SEL1L: variants seen among roughly 807,000 people sequenced by gnomAD.
SEL1L encodes the protein protein sel-1 homolog 1.
In SEL1L, 52 loss-of-function variants were observed where a neutral mutation model predicts 109.8. That is an observed-to-expected ratio of 0.47 (90% CI 0.38 to 0.60). The LOEUF (loss-of-function observed/expected upper bound fraction) is 0.60. Ranked by LOEUF, SEL1L falls within the 20% of genes least tolerant of loss-of-function variation. SEL1L has a pLI of 0.00. For missense variants in SEL1L, 749 were observed against 962.2 expected (o/e 0.78, Z 2.93); for synonymous variants, 373 against 339.6 (o/e 1.10, Z -1.08).
At position 81,487,953 on chromosome 14, in the gene SEL1L, A is replaced by C; in HGVS notation, c.1396-11T>G. The C allele has an allele frequency of 6.2e-7, 1 of 1,605,312 alleles. No homozygotes were observed. Among genetic ancestry groups the C allele is most frequent in the Non-Finnish European group, 8.5e-7 (1 of 1,172,766 alleles). Reference sequence around the variant, plus strand: ...GGCTAGATCATAATTCTGTAGAAAAAGATGTCATATGATGAGAAAGCTCAA... The same window carrying C: ...GGCTAGATCATAATTCTGTAGAAAACGATGTCATATGATGAGAAAGCTCAA... On this transcript the variant is annotated splice_polypyrimidine_tract_variant and intron_variant, in intron 14 of 20. Coordinates refer to ENST00000336735, the MANE Select transcript of SEL1L (RefSeq NM_005065.6).
At chr14:81,502,487 G>A (rs772338684) in intron 6 of SEL1L, among the ~76,000 whole-genome samples, 4 of 152,184 alleles carry the variant, frequency 2.6e-5, no homozygotes, top group Non-Finnish European at 4.4e-5. Flanking sequence ...TAATTTGGAA[G>A]AGTACAAATG....
chr14:81,499,274 A>C lies in SEL1L; in HGVS notation c.891+185T>G, dbSNP rs900491012. The C allele has an allele frequency of 3.2e-6, 4 of 1,263,882 alleles. No homozygotes were observed. In the African/African-American group the frequency reaches 6.2e-5, roughly 20 times the overall value. 78.3% of individuals were successfully genotyped at this position (1,263,882 alleles called of 1,614,324 possible). A position where few individuals can be genotyped will look rare whatever the true frequency, so the allele number is the denominator to read the frequency against. On this transcript the variant is annotated intron_variant, in intron 8 of 20. Coordinates refer to ENST00000336735, the MANE Select transcript of SEL1L (RefSeq NM_005065.6). ...TTAAAGAAAAATTGTGGACTCCACC[A>C]ACTTTCATTTACATGTAGATTCCAT...
intron 19 of SEL1L, among the ~76,000 whole-genome samples, chr14:81,480,772 C>CA (rs1903328752): frequency 6.6e-6 from 1 of 152,148 alleles, no homozygotes; most frequent in Admixed American, 6.5e-5. Flanking sequence ...TTAAGGGACT[C>CA]GATTCTGCAG....
chr14:81,533,659 G>A lies in SEL1L; in HGVS notation c.70+16C>T. The A allele has an allele frequency of 6.2e-7, 1 of 1,610,984 alleles. No individual in the cohort carries two copies. The highest frequency in any genetic ancestry group is 1.7e-5 in the Admixed American group (1 of 59,832). On this transcript the variant is annotated intron_variant, in intron 1 of 20. Coordinates refer to ENST00000336735, the MANE Select transcript of SEL1L (RefSeq NM_005065.6). ...CGGAGGCTCTGGGCCTTCAGCCCGA[G>A]GGGGCGGATACTGACCCGAGGACGC... is the stretch of plus-strand genomic sequence containing the variant.
At position 81,486,497 on chromosome 14, in the gene SEL1L, G is replaced by A. The variant is rs765867464; in HGVS notation, c.1633-43C>T. The A allele has an allele frequency of 2.5e-6, 4 of 1,594,488 alleles. No homozygotes were observed. In the South Asian group the frequency reaches 4.5e-5, roughly 18 times the overall value. ...AAAAAATATCAGTAGAAGAAAATAA[G>A]AAAGATATACCAGAAAATCACTTAT... On this transcript the variant is annotated intron_variant, in intron 16 of 20. Transcript: ENST00000336735.
rs1566973431 is a variant in SEL1L, at chr14:81,492,560, GAATT to G, written c.1186-16_1186-13del. The G allele has an allele frequency of 3.2e-6, 5 of 1,557,734 alleles. No homozygotes were observed. The South Asian group carries it at 4.7e-5, about 15-fold the overall frequency. ...TAGTCAAATGCTCTCTATGAGAAAA[GAATT>G]TATTAAAATAATTAGTTTTTAACAG... On this transcript the variant is annotated splice_polypyrimidine_tract_variant and intron_variant, in intron 11 of 20. Transcript: ENST00000336735.
intron 3 of SEL1L, among the ~76,000 whole-genome samples, chr14:81,518,467 C>A (rs370383093): frequency 6.6e-6 from 1 of 151,456 alleles, no homozygotes; most frequent in East Asian, 2.0e-4. Context: ...CGAGACCAGC[C>A]TGGCCAACCT....
intron 3 of SEL1L, among the ~76,000 whole-genome samples, chr14:81,517,911 T>G (rs1884765195): frequency 6.6e-6 from 1 of 151,784 alleles, no homozygotes; most frequent in Admixed American, 6.6e-5. Context: ...GGTTACCATG[T>G]GTACCCTCTG....
chr14:81,522,342 C>T (rs1303142880), intron 3 of SEL1L, among the ~76,000 whole-genome samples: 1 of 152,218 alleles, frequency 6.6e-6, no homozygotes, highest in Middle Eastern at 3.2e-3. Context: ...CCCACAGCAA[C>T]TTCCAGTCCT....
rs754682709 is a variant in SEL1L at position 81,485,771 on chromosome 14, A to C, written c.1799-25T>G. On this transcript the variant is annotated intron_variant, in intron 17 of 20. Transcript: ENST00000336735. ...CCTACAGGAAAAGAAATGAAATACA[A>C]ATCAGGCATTTAAGAAAAGGCACTA... 3.1e-6 allele frequency: 5 copies of C among 1,603,252 alleles called. No homozygotes were observed. In the East Asian group the frequency reaches 8.9e-5, roughly 29 times the overall value.
At chr14:81,528,164 G>A (rs1885185104) in intron 1 of SEL1L, among the ~76,000 whole-genome samples, 1 of 152,130 alleles carries the variant, frequency 6.6e-6, no homozygotes, top group Non-Finnish European at 1.5e-5. Flanking sequence ...TCTTGAGTTA[G>A]AGTAGCCCAT....
At chr14:81,512,362 T>C (rs1566621004) in intron 3 of SEL1L, among the ~76,000 whole-genome samples, 1 of 152,224 alleles carries the variant, frequency 6.6e-6, no homozygotes, top group Non-Finnish European at 1.5e-5. Flanking sequence ...GGACATTTTT[T>C]TGCTTAACAT....
rs1471485903 is a variant in SEL1L at position 81,476,078 on chromosome 14, A to G, written c.*894T>C. On this transcript the variant is annotated 3_prime_UTR_variant, in exon 21 of 21. Transcript: ENST00000336735. ...TGGGAACAAATGCTTCAACTTTAGG[A>G]AAAGTATGTCTGTGTCTGTGATCGT... 6.6e-6 allele frequency: 1 copy of G among 152,202 alleles called. No individual in the cohort carries two copies. The highest frequency in any genetic ancestry group is 1.5e-5 in the Non-Finnish European group (1 of 68,038). The allele number at this position is 152,202 out of a possible 1,614,324, so 9.4% of individuals were successfully genotyped here. A position where few individuals can be genotyped will look rare whatever the true frequency, so the allele number is the denominator to read the frequency against.
chr14:81,516,597 C>T (rs1258256125), intron 3 of SEL1L, among the ~76,000 whole-genome samples: 1 of 152,202 alleles, frequency 6.6e-6, no homozygotes, highest in Non-Finnish European at 1.5e-5. Flanking sequence ...ACCATTCTAA[C>T]TTATAAAAGT....
At chr14:81,526,645 C>T in intron 3 of SEL1L, 88 bp downstream of exon 3, 1 of 937,302 alleles carries the variant, frequency 1.1e-6, no homozygotes, top group Non-Finnish European at 1.7e-6. Flanking sequence ...TCAGTGAAGC[C>T]AGTCTTCTTC....
chr14:81,511,243 G>A (rs10150824), intron 3 of SEL1L, among the ~76,000 whole-genome samples: 3,821 of 152,282 alleles, frequency 0.025, 153 homozygotes, highest in African/African-American at 0.087. Flanking sequence ...TGAACAAAAC[G>A]TTAAGATCAG....
rs139571661 is a variant in SEL1L, at chr14:81,498,511, C to G, written c.892-17G>C. 6.3e-7 allele frequency: 1 copy of G among 1,593,638 alleles called. No individual in the cohort carries two copies. Among genetic ancestry groups the G allele is most frequent in the Non-Finnish European group, 8.6e-7 (1 of 1,163,400 alleles). On this transcript the variant is annotated splice_polypyrimidine_tract_variant and intron_variant, in intron 8 of 20. Transcript: ENST00000336735. The stretch of plus-strand genomic sequence containing the variant: ...TCTGTAACCCTGTAAAACAACTTCA[C>G]GTGAGGAGGCAGCAGTTTCATGTAC...
chr14:81,504,107 G>A (rs755404957), intron 5 of SEL1L, 94 bp downstream of exon 5: 22 of 660,344 alleles, frequency 3.3e-5, no homozygotes, highest in Non-Finnish European at 5.2e-5. Context: ...AATCTTCTGC[G>A]TCTCTGGCAG....
rs1364624844 is a variant in SEL1L at position 81,479,569 on chromosome 14, T to C, written c.2175+43A>G. 2.5e-6 allele frequency: 4 copies of C among 1,575,542 alleles called. 1 individual carries two copies. The South Asian group carries it at 4.6e-5, about 18-fold the overall frequency. On this transcript the variant is annotated intron_variant, in intron 20 of 20. Transcript: ENST00000336735. The stretch of plus-strand genomic sequence containing the variant: ...AAAAACAAACCTCCAGGACAGACCT[T>C]CCATCATTTATATTTTAATGAAAAG...
Sources: gnomAD v4.1 joint callset for allele counts (sites outside exome capture counted in the v4.1 genomes callset) on GRCh38, gnomAD v4.1.1 for gene constraint, MANE v1.5 for transcripts, NCBI Gene and HGNC (gene_info 2026-07-23, HGNC 2026-07-21) for gene names.